Variants in EXOC6 observed in about 807,000 individuals in gnomAD.
EXOC6 encodes the protein SEC15-like 1.
EXOC6 carries 60 observed loss-of-function variants against 112.5 expected under a neutral mutation model. The observed-to-expected ratio is 0.53, with a 90% confidence interval of 0.43 to 0.66. The LOEUF is 0.66. Among genes scored for constraint, EXOC6 ranks in the 30% least tolerant of loss-of-function variants. The pLI, the probability that EXOC6 is intolerant of heterozygous loss-of-function variation, is 0.00. For synonymous variants in EXOC6, 295 were observed against 308.0 expected, an observed-to-expected ratio of 0.96 and a Z score of 0.44; for missense variants, 855 against 957.1, an observed-to-expected ratio of 0.89 and a Z score of 1.41.
chr10:92,844,957 T>C (rs1333215044), upstream of EXOC6, among the ~76,000 whole-genome samples: 5 of 152,218 alleles, frequency 3.3e-5, no homozygotes, highest in Non-Finnish European at 7.3e-5. Flanking sequence ...AGGGAGGCGC[T>C]TTCCCAAGAC....
intron 13 of EXOC6, 57 bp downstream of exon 13, chr10:92,940,881 G>T: frequency 9.2e-7 from 1 of 1,092,734 alleles, no homozygotes; most frequent in East Asian, 2.4e-5. Flanking sequence ...ATGCTCAAGT[G>T]GTTCATTTGC....
chr10:92,828,070 G>A (rs942481472), intron 1 of EXOC6, among the ~76,000 whole-genome samples: 41 of 152,098 alleles, frequency 2.7e-4, no homozygotes, highest in African/African-American at 8.0e-4. Context: ...ATACAGATGA[G>A]CATTTTTTGG....
In EXOC6 at chr10:92,928,331, T is replaced by G; in HGVS notation, c.889-8T>G. 1 of 1,584,162 alleles carries G rather than the reference T, an allele frequency of 6.3e-7. No individual in the cohort carries two copies. The highest frequency in any genetic ancestry group is 8.7e-7 in the Non-Finnish European group (1 of 1,155,542). On this transcript the variant is annotated splice_region_variant and splice_polypyrimidine_tract_variant and intron_variant, in intron 8 of 21. Transcript: ENST00000260762. ...GTATTTTTCATTACTCTGCTGATTTTATTTTAGGGTGACGAGGAAACATTT... is the reference window on the plus strand; with the variant it reads ...GTATTTTTCATTACTCTGCTGATTTGATTTTAGGGTGACGAGGAAACATTT...
chr10:92,988,681 C>T (rs1193511816), intron 18 of EXOC6, among the ~76,000 whole-genome samples: 2 of 152,002 alleles, frequency 1.3e-5, no homozygotes, highest in South Asian at 2.1e-4. Context: ...TTTCTGAGGC[C>T]GGACACGGTG....
chr10:93,011,207 GT>G lies in EXOC6; in HGVS notation c.2096-2978del, dbSNP rs202058204. Among the ~76,000 whole-genome samples the G allele has an allele frequency of 2.8e-4, 40 of 142,008 alleles. No individual in the cohort carries two copies. In the East Asian group the frequency reaches 7.0e-3, roughly 25 times the overall value. 93.2% of individuals were successfully genotyped at this position (142,008 alleles called of 152,430 possible). A position where few individuals can be genotyped will look rare whatever the true frequency, so the allele number is the denominator to read the frequency against. On this transcript the variant is annotated intron_variant, in intron 19 of 21. Transcript: ENST00000260762. ...GGTTGAGAACCACTAGGGATTTATG[GT>G]TTTTTTTTGTGACCAAAAAAAAAAA...
chr10:92,997,798 C>T lies in EXOC6; in HGVS notation c.2095+183C>T, dbSNP rs541301291. Among the ~76,000 whole-genome samples, 4 of 152,300 alleles carry T rather than the reference C, an allele frequency of 2.6e-5. No individual in the cohort carries two copies. The South Asian group carries it at 6.2e-4, about 24-fold the overall frequency. Reference sequence around the variant, plus strand: ...GGAAGATAAAAATATCTCAGCTTCACATTTAGGGCCTCTAGAGAGAGGCAC... The same window carrying T: ...GGAAGATAAAAATATCTCAGCTTCATATTTAGGGCCTCTAGAGAGAGGCAC... On this transcript the variant is annotated intron_variant, in intron 19 of 21. Transcript: ENST00000260762.
At position 93,046,942 on chromosome 10, in the gene EXOC6, G is replaced by A. The variant is rs180908087; in HGVS notation, c.2170-9982G>A. ...ACTAAGAGTAGTTCCTCATTTAGGAGCCTGGATTACTTGAAGGGAGAAGCC... is the reference window on the plus strand; with the variant it reads ...ACTAAGAGTAGTTCCTCATTTAGGAACCTGGATTACTTGAAGGGAGAAGCC... On this transcript the variant is annotated intron_variant, in intron 20 of 21. Transcript: ENST00000260762. Among the ~76,000 whole-genome samples the A allele has an allele frequency of 2.4e-4, 36 of 152,246 alleles. No individual in the cohort carries two copies. The East Asian group carries it at 6.6e-3, about 28-fold the overall frequency.
At chr10:92,836,413 C>T (rs1364676965) in intron 1 of EXOC6, among the ~76,000 whole-genome samples, 2 of 152,188 alleles carry the variant, frequency 1.3e-5, no homozygotes, top group African/African-American at 4.8e-5. Flanking sequence ...TTGGCAGCCA[C>T]AGCACTCTCT....
chr10:93,019,482 T>G (rs1040253709), intron 20 of EXOC6, among the ~76,000 whole-genome samples: 8 of 152,234 alleles, frequency 5.3e-5, no homozygotes, highest in African/African-American at 1.9e-4. Context: ...ATAAATATTC[T>G]AGTTTTATGA....
intron 20 of EXOC6, among the ~76,000 whole-genome samples, chr10:93,037,121 G>C (rs970635220): frequency 6.6e-6 from 1 of 150,956 alleles, no homozygotes; most frequent in African/African-American, 2.4e-5. Context: ...TCACATTTTT[G>C]CCAAACTTCC....
intron 12 of EXOC6, among the ~76,000 whole-genome samples, chr10:92,939,601 A>G (rs1453334211): frequency 2.0e-5 from 3 of 152,112 alleles, no homozygotes; most frequent in Non-Finnish European, 2.9e-5. Flanking sequence ...ACGTGTTGGA[A>G]TTAAATATTT....
intron 18 of EXOC6, among the ~76,000 whole-genome samples, chr10:92,980,288 C>G (rs1403896267): frequency 2.6e-5 from 4 of 152,144 alleles, no homozygotes; most frequent in Admixed American, 1.3e-4. Context: ...TGAGCCTCTT[C>G]CCTTCTGCAA....
intron 8 of EXOC6, among the ~76,000 whole-genome samples, chr10:92,920,722 T>C (rs976078267): frequency 6.6e-6 from 1 of 152,256 alleles, no homozygotes; most frequent in Non-Finnish European, 1.5e-5. Flanking sequence ...TTGTCCATTT[T>C]TTCTTTCAGT....
Position 93,057,019 on chromosome 10 carries a change from C to G in EXOC6, c.2265C>G (p.Ala755=), listed in dbSNP as rs1044801526. Residue 755 remains alanine, a synonymous_variant, in exon 21 of 22, where the codon GCC becomes GCG. Transcript: ENST00000260762. ...SKYLRVNPNT[A]LTLLEKMKDT... is the part of the protein sequence containing the mutation. Reference sequence around the variant, plus strand: ...ACCTTCGGGTGAATCCAAACACAGCCCTTACTCTTTTGGAGAAGTGAGTAT... The same window carrying G: ...ACCTTCGGGTGAATCCAAACACAGCGCTTACTCTTTTGGAGAAGTGAGTAT... 1.3e-6 allele frequency: 2 copies of G among 1,568,112 alleles called. No individual in the cohort carries two copies. Among genetic ancestry groups the G allele is most frequent in the Non-Finnish European group, 1.7e-6 (2 of 1,163,716 alleles).
chr10:92,969,955 A>G (rs571373141), intron 17 of EXOC6, among the ~76,000 whole-genome samples: 1 of 152,326 alleles, frequency 6.6e-6, no homozygotes, highest in African/African-American at 2.4e-5. Context: ...TGGCCTCCCA[A>G]AGAGCTGGGA....
intron 1 of EXOC6, among the ~76,000 whole-genome samples, chr10:92,839,840 G>C (rs1490566654): frequency 6.6e-6 from 1 of 152,072 alleles, no homozygotes; most frequent in African/African-American, 2.4e-5. Context: ...AGAAAGGTGG[G>C]GGGCTGTGGG....
At chr10:92,865,653 G>T (rs1848138592) in intron 1 of EXOC6, among the ~76,000 whole-genome samples, 1 of 151,780 alleles carries the variant, frequency 6.6e-6, no homozygotes, top group Admixed American at 6.6e-5. Flanking sequence ...CACCATGTTG[G>T]TCAGGCTGGT....
chr10:92,855,425 A>G (rs1016114688), intron 1 of EXOC6, among the ~76,000 whole-genome samples: 2 of 152,150 alleles, frequency 1.3e-5, no homozygotes, highest in African/African-American at 4.8e-5. Flanking sequence ...TGCTGGCCTT[A>G]TAGAATGAGT....
upstream of EXOC6, among the ~76,000 whole-genome samples, chr10:92,832,347 G>T (rs779414999): frequency 6.6e-6 from 1 of 152,088 alleles, no homozygotes; most frequent in Non-Finnish European, 1.5e-5. Context: ...GTGCAATCTC[G>T]ACTCACTGCA....
Sources: gnomAD v4.1 joint callset for allele counts (sites outside exome capture counted in the v4.1 genomes callset) on GRCh38, gnomAD v4.1.1 for gene constraint, MANE v1.5 for transcripts, NCBI Gene and HGNC (gene_info 2026-07-23, HGNC 2026-07-21) for gene names.